Variants in ARB2A observed in about 807,000 individuals in gnomAD.
ARB2A encodes the protein cotranscriptional regulator ARB2A.
the ARB2A span, among the ~76,000 whole-genome samples, chr5:94,030,796 T>C: frequency 3.2e-4 from 48 of 152,296 alleles, no homozygotes; most frequent in South Asian, 3.7e-3. Flanking sequence ...TTTGAGCAAA[T>C]TGATTAGTTC....
chr5:94,066,809 G>A, the ARB2A span, among the ~76,000 whole-genome samples: 1 of 152,148 alleles, frequency 6.6e-6, no homozygotes, highest in East Asian at 1.9e-4. Context: ...AAATGAAGAG[G>A]AGGGAACGGA....
the ARB2A span, among the ~76,000 whole-genome samples, chr5:93,968,237 C>T: frequency 6.6e-6 from 1 of 152,032 alleles, no homozygotes; most frequent in African/African-American, 2.4e-5. Context: ...AACATCAGAA[C>T]TAGACTCAGA....
chr5:93,985,870 C>T, the ARB2A span, among the ~76,000 whole-genome samples: 1 of 152,200 alleles, frequency 6.6e-6, no homozygotes, highest in African/African-American at 2.4e-5. Context: ...AGGAGCGTCT[C>T]TGCCTGGCCG....
chr5:93,776,374 T>C, the ARB2A span: 15 of 589,480 alleles, frequency 2.5e-5, no homozygotes, highest in East Asian at 4.6e-4. Context: ...CACTTAACAT[T>C]TTTTTCTTAT....
chr5:93,635,069 T>G, the ARB2A span, among the ~76,000 whole-genome samples: 1 of 152,110 alleles, frequency 6.6e-6, no homozygotes, highest in African/African-American at 2.4e-5. Context: ...CCACCGCACC[T>G]GGCCTTCTTT....
chr5:94,080,277 T>C, the ARB2A span, among the ~76,000 whole-genome samples: 2 of 152,036 alleles, frequency 1.3e-5, no homozygotes, highest in South Asian at 2.1e-4. Context: ...ATAGTAAAAA[T>C]AAATAATAAA....
the ARB2A span, among the ~76,000 whole-genome samples, chr5:94,107,923 C>T: frequency 1.3e-5 from 2 of 152,294 alleles, no homozygotes; most frequent in South Asian, 4.1e-4. Context: ...CCATCCCATG[C>T]CAATCTGTAG....
At chr5:93,757,130 A>C in the ARB2A span, among the ~76,000 whole-genome samples, 1 of 152,196 alleles carries the variant, frequency 6.6e-6, no homozygotes, top group Non-Finnish European at 1.5e-5. Flanking sequence ...ACAGAAATTC[A>C]GAGCTCAAAG....
the ARB2A span, among the ~76,000 whole-genome samples, chr5:93,648,913 C>G: frequency 6.6e-6 from 1 of 152,078 alleles, no homozygotes; most frequent in Admixed American, 6.6e-5. Context: ...ATATAAAATA[C>G]AGCAGAGAAT....
the ARB2A span, among the ~76,000 whole-genome samples, chr5:93,869,843 T>C: frequency 1.3e-5 from 2 of 152,220 alleles, no homozygotes; most frequent in African/African-American, 4.8e-5. Flanking sequence ...CTAACTCCAC[T>C]GCCTATCCCA....
chr5:93,979,637 C>T, the ARB2A span, among the ~76,000 whole-genome samples: 92 of 152,084 alleles, frequency 6.0e-4, no homozygotes, highest in African/African-American at 1.9e-3. Flanking sequence ...ACATTTTAGA[C>T]GAATGTCTTA....
the ARB2A span, chr5:93,861,893 T>C: frequency 6.6e-6 from 1 of 152,194 alleles, no homozygotes; most frequent in East Asian, 1.9e-4. Context: ...ATGGATAGTA[T>C]CCGTATCACT....
chr5:94,006,003 A>G, the ARB2A span, among the ~76,000 whole-genome samples: 2 of 152,204 alleles, frequency 1.3e-5, no homozygotes, highest in African/African-American at 2.4e-5. Context: ...ACATGCAACT[A>G]CAATACAACT....
chr5:94,043,393 T>C, the ARB2A span, among the ~76,000 whole-genome samples: 1 of 152,222 alleles, frequency 6.6e-6, no homozygotes, highest in South Asian at 2.1e-4. Flanking sequence ...TAGTTGCTTC[T>C]CTCTACCTGA....
At chr5:93,745,710 C>T in the ARB2A span, among the ~76,000 whole-genome samples, 1 of 151,786 alleles carries the variant, frequency 6.6e-6, no homozygotes, top group South Asian at 2.1e-4. Context: ...AATAAAGCAA[C>T]AGAGCTGACC....
the ARB2A span, among the ~76,000 whole-genome samples, chr5:94,095,858 T>A: frequency 6.6e-6 from 1 of 152,168 alleles, no homozygotes; most frequent in Non-Finnish European, 1.5e-5. Flanking sequence ...ATCTGTTTTT[T>A]TTCCCTTATC....
chr5:93,748,702 G>T, the ARB2A span, among the ~76,000 whole-genome samples: 1 of 151,826 alleles, frequency 6.6e-6, no homozygotes. Context: ...ATTTTTCTAT[G>T]ACCTTTAAAA....
At chr5:94,109,008 A>C in the ARB2A span, among the ~76,000 whole-genome samples, 1 of 152,226 alleles carries the variant, frequency 6.6e-6, no homozygotes, top group Non-Finnish European at 1.5e-5. Flanking sequence ...CAATAACCAA[A>C]GGATGGAAAC....
the ARB2A span, among the ~76,000 whole-genome samples, chr5:93,847,459 T>C: frequency 6.6e-6 from 1 of 152,152 alleles, no homozygotes; most frequent in Non-Finnish European, 1.5e-5. Flanking sequence ...TTCTCATGTA[T>C]AGCAAACATA....
Sources: gnomAD v4.1 joint callset for allele counts (sites outside exome capture counted in the v4.1 genomes callset) on GRCh38, gnomAD v4.1.1 for gene constraint, MANE v1.5 for transcripts, NCBI Gene and HGNC (gene_info 2026-07-23, HGNC 2026-07-21) for gene names.